Variants in SPTBN1 observed in about 807,000 individuals in gnomAD.
The protein encoded by SPTBN1 is spectrin beta, non-erythrocytic 1.
A neutral mutation model predicts 266.4 loss-of-function variants in SPTBN1; 32 were observed. The observed-to-expected ratio is 0.12, with a 90% CI of 0.09 to 0.16. The LOEUF (loss-of-function observed/expected upper bound fraction) is 0.16, where lower values mean the gene tolerates loss of function less well. SPTBN1 is among the 10% of genes least tolerant of loss of function. The pLI is 1.00. For synonymous variants in SPTBN1, 1,336 were observed against 1,162.2 expected, an observed-to-expected ratio of 1.15 and a Z score of -3.04; for missense variants, 2,296 against 3,067.1, an observed-to-expected ratio of 0.75 and a Z score of 5.94.
Position 54,533,898 on chromosome 2 carries a change from T to TCA in SPTBN1, c.148+7333_148+7334insAC, listed in dbSNP as rs1167776634. On this transcript the variant is annotated intron_variant, in intron 2 of 35. Transcript: ENST00000356805. The surrounding 1 kb of genome is among the most constrained non-coding windows in gnomAD (Gnocchi z 4.2). ...AGATTGATCTCTCTCTCTGTCTCTCTCTCACACACACACACACACACACAC... is the reference window on the plus strand; with the variant it reads ...AGATTGATCTCTCTCTCTGTCTCTCTCACTCACACACACACACACACACACAC... 7.5e-5 allele frequency among the ~76,000 whole-genome samples: 7 copies of TCA among 93,590 alleles called. No individual in the cohort carries two copies. Among genetic ancestry groups the TCA allele is most frequent in the Admixed American group, 4.1e-4 (4 of 9,742 alleles). The allele number at this position is 93,590 out of a possible 152,430, so 61.4% of individuals were successfully genotyped here. A position where few individuals can be genotyped will look rare whatever the true frequency, so the allele number is the denominator to read the frequency against.
intron 2 of SPTBN1, among the ~76,000 whole-genome samples, chr2:54,543,636 A>G (rs1348925746): frequency 6.6e-6 from 1 of 152,146 alleles, no homozygotes; most frequent in Non-Finnish European, 1.5e-5. Context: ...TTGCATTTGT[A>G]TCTTCTCTCA....
chr2:54,527,857 A>C (rs1670918919), intron 2 of SPTBN1: 1 of 152,252 alleles, frequency 6.6e-6, no homozygotes, highest in Non-Finnish European at 1.5e-5. Flanking sequence ...GTTAACTTCT[A>C]AACAGGATGC....
intron 1 of SPTBN1, among the ~76,000 whole-genome samples, chr2:54,503,632 C>T (rs1669392245): frequency 6.6e-6 from 1 of 152,186 alleles, no homozygotes; most frequent in Admixed American, 6.5e-5. Context: ...ACAAACAGGC[C>T]TTTCCTTTCT....
At chr2:54,506,206 C>T (rs1669547074) in intron 1 of SPTBN1, among the ~76,000 whole-genome samples, 1 of 151,992 alleles carries the variant, frequency 6.6e-6, no homozygotes, top group South Asian at 2.1e-4. Context: ...AATTTGAATC[C>T]TCTCTTGGCC....
At chr2:54,500,387 G>C (rs1669187187) in intron 1 of SPTBN1, among the ~76,000 whole-genome samples, 1 of 151,648 alleles carries the variant, frequency 6.6e-6, no homozygotes, top group Non-Finnish European at 1.5e-5. Context: ...TGAGAGATTT[G>C]TTCTGTTTTT....
chr2:54,583,665 A>G (rs566508197), intron 2 of SPTBN1, among the ~76,000 whole-genome samples: 3 of 152,358 alleles, frequency 2.0e-5, no homozygotes, highest in Non-Finnish European at 4.4e-5. Context: ...ATGCTTACAA[A>G]TGTTATATAA....
chr2:54,525,115 A>G (rs1338114093), intron 1 of SPTBN1, among the ~76,000 whole-genome samples: 2 of 152,186 alleles, frequency 1.3e-5, no homozygotes, highest in Non-Finnish European at 2.9e-5. Context: ...ATTTTGGTTC[A>G]ATGAGTGAAT....
intron 7 of SPTBN1, among the ~76,000 whole-genome samples, chr2:54,619,327 C>T (rs903459151): frequency 2.6e-4 from 40 of 152,308 alleles, no homozygotes; most frequent in African/African-American, 7.9e-4. Flanking sequence ...CCTTGGGCTT[C>T]GATAAATCTT....
chr2:54,595,119 A>G (rs1231531131), intron 2 of SPTBN1, among the ~76,000 whole-genome samples: 1 of 152,208 alleles, frequency 6.6e-6, no homozygotes, highest in African/African-American at 2.4e-5. Flanking sequence ...GGCATGAGCC[A>G]CTGCACCTGG....
At chr2:54,469,447 G>A (rs1573212358) in intron 1 of SPTBN1, among the ~76,000 whole-genome samples, 1 of 152,140 alleles carries the variant, frequency 6.6e-6, no homozygotes, top group Non-Finnish European at 1.5e-5. Flanking sequence ...AGCTGGGCTG[G>A]GTGGACTTTC....
At position 54,645,138 on chromosome 2, in the gene SPTBN1, G is replaced by A. The variant is rs977960450; in HGVS notation, c.4270-91G>A. On this transcript the variant is annotated intron_variant, in intron 20 of 35. Transcript: ENST00000356805. The surrounding 1 kb of genome is among the most constrained non-coding windows in gnomAD (Gnocchi z 4.3). ...GCTCCCATGGCTGGCTTTGCGGTGT[G>A]GCCAAGTCCCAGGCCCAGCAGTTCT... 1 of 1,404,262 alleles carries A rather than the reference G, an allele frequency of 7.1e-7. No individual in the cohort carries two copies. The highest frequency in any genetic ancestry group is 9.9e-7 in the Non-Finnish European group (1 of 1,011,088). 87.0% of individuals were successfully genotyped at this position (1,404,262 alleles called of 1,614,324 possible).
At chr2:54,619,557 C>G (rs2103852657) in intron 7 of SPTBN1, among the ~76,000 whole-genome samples, 1 of 152,270 alleles carries the variant, frequency 6.6e-6, no homozygotes, top group African/African-American at 2.4e-5. Flanking sequence ...TCACTTTTAT[C>G]CTGTGGGTTT....
At position 54,629,707 on chromosome 2, in the gene SPTBN1, C is replaced by G. The variant is rs1273833596; in HGVS notation, c.2573C>G (p.Ala858Gly). The change falls in exon 14 of 36, where the codon GCT becomes GGT. Residue 858 changes from alanine (A) to glycine (G), a missense_variant. Ala to Gly is a moderately conservative substitution (Grantham distance 60). Around this residue, in one of 12 missense-constraint regions of SPTBN1, gnomAD observed 434 missense variants for 573.9 expected, o/e 0.76. Coordinates refer to ENST00000356805, the MANE Select transcript of SPTBN1 (RefSeq NM_003128.3). Reference protein sequence around the residue: ...TLALYKMFSEADACELWIDEK... With the variant: ...TLALYKMFSEGDACELWIDEK... The stretch of plus-strand genomic sequence containing the variant: ...GCCCTGTACAAGATGTTCAGCGAGG[C>G]TGATGCCTGTGAGCTCTGGATCGAC... 6.2e-7 allele frequency: 1 copy of G among 1,613,518 alleles called. No homozygotes were observed. The highest frequency in any genetic ancestry group is 1.1e-5 in the South Asian group (1 of 91,086).
At chr2:54,551,838 CTTG>C (rs1209098111) in intron 2 of SPTBN1, among the ~76,000 whole-genome samples, 3 of 150,808 alleles carry the variant, frequency 2.0e-5, no homozygotes, top group Admixed American at 6.6e-5. Context: ...CTTTTTTTTT[CTTG>C]TTATTTTGAG....
chr2:54,499,487 G>T (rs946282840), intron 1 of SPTBN1, among the ~76,000 whole-genome samples: 1 of 152,212 alleles, frequency 6.6e-6, no homozygotes, highest in Non-Finnish European at 1.5e-5. Context: ...GGTTGTTTGC[G>T]TGTTGATTTG....
chr2:54,570,632 G>T (rs1468502542), intron 2 of SPTBN1, among the ~76,000 whole-genome samples: 2 of 152,150 alleles, frequency 1.3e-5, no homozygotes, highest in African/African-American at 4.8e-5. Context: ...GTGTGTGCAT[G>T]TTGCCTGAAA....
chr2:54,658,663 T>A (rs936850088), intron 30 of SPTBN1, among the ~76,000 whole-genome samples: 5 of 152,226 alleles, frequency 3.3e-5, no homozygotes, highest in African/African-American at 1.2e-4. Context: ...TACATCCATA[T>A]GACTCATGAA....
In SPTBN1 at chr2:54,655,986, T is replaced by C. The variant is rs1043278587; in HGVS notation, c.6034T>C (p.Trp2012Arg). ...MIDKWEDRWE[W>R]LRLILEVHQF... ...CGACAAGTGGGAAGACCGATGGGAA[T>C]GGTTAAGACTGAGTAAGGATGTAGT... is the stretch of plus-strand genomic sequence containing the variant. Residue 2012 changes from tryptophan (W) to arginine (R), a missense_variant, in exon 29 of 36, where the codon TGG (tryptophan) becomes CGG (arginine). By Grantham distance (101) the Trp-to-Arg change is moderately radical (BLOSUM62 -3). This residue lies in a region of SPTBN1 where 644 missense variants were observed against 745.3 expected (regional missense o/e 0.86). Coordinates refer to ENST00000356805, the MANE Select transcript of SPTBN1 (RefSeq NM_003128.3). 3 of 1,612,698 alleles carry C rather than the reference T, an allele frequency of 1.9e-6. No homozygotes were observed. The African/African-American group carries it at 4.0e-5, about 22-fold the overall frequency.
At chr2:54,509,252 C>T (rs549661590) in intron 1 of SPTBN1, among the ~76,000 whole-genome samples, 1 of 152,278 alleles carries the variant, frequency 6.6e-6, no homozygotes, top group East Asian at 1.9e-4. Context: ...GAGATACAGT[C>T]ATGGGAGTCA....
Sources: allele counts gnomAD v4.1 joint callset (sites outside exome capture counted in the v4.1 genomes callset), GRCh38; gene constraint gnomAD v4.1.1; regional missense constraint gnomAD v4.1.1; non-coding constraint Gnocchi (gnomAD v3.1); transcripts MANE v1.5; gene names NCBI Gene and HGNC (gene_info 2026-07-23, HGNC 2026-07-21).